Variants in CRYBG1 observed in about 807,000 individuals in gnomAD.
CRYBG1 encodes crystallin beta-gamma domain containing 1, also known as beta/gamma crystallin domain-containing protein 1.
Under a neutral mutation model 189.2 loss-of-function variants are expected in CRYBG1, and 139 were observed. The ratio of observed to expected loss-of-function variants is 0.73; its 90% CI spans 0.64 to 0.85. The LOEUF is 0.85. CRYBG1 is among the 40% of genes least tolerant of loss of function. CRYBG1 has a pLI of 0.00. For synonymous variants in CRYBG1, 1,023 were observed against 1,017.1 expected (o/e 1.01, Z -0.11); for missense variants, 2,611 against 2,675.8 (o/e 0.98, Z 0.53).
At chr6:106,391,095 T>G (rs1770491197) in intron 1 of CRYBG1, among the ~76,000 whole-genome samples, 1 of 152,028 alleles carries the variant, frequency 6.6e-6, no homozygotes, top group Non-Finnish European at 1.5e-5. Context: ...TGAGATGGAG[T>G]CTCGCTCAGT....
At chr6:106,417,869 G>T (rs1179217241) in intron 1 of CRYBG1, among the ~76,000 whole-genome samples, 1 of 152,258 alleles carries the variant, frequency 6.6e-6, no homozygotes, top group Non-Finnish European at 1.5e-5. Context: ...GCCCCAGAAG[G>T]GATGTTAGTG....
intron 9 of CRYBG1, 147 bp from the exon 10 acceptor site, chr6:106,541,439 T>C: frequency 1.3e-6 from 1 of 783,928 alleles, no homozygotes; most frequent in South Asian, 1.5e-5. Context: ...GTATTGTTGG[T>C]AATTTTAGAA....
chr6:106,527,206 C>CTA (rs35141677), intron 6 of CRYBG1, 99 bp from the exon 7 acceptor site: 15,298 of 900,684 alleles, frequency 0.017, 122 homozygotes, highest in Non-Finnish European at 0.019. Context: ...TGCTAATATT[C>CTA]TATATATATA....
At chr6:106,470,841 G>C (rs1398680307) in intron 2 of CRYBG1, among the ~76,000 whole-genome samples, 1 of 152,136 alleles carries the variant, frequency 6.6e-6, no homozygotes, top group Non-Finnish European at 1.5e-5. Context: ...CCTGAGTTAG[G>C]TATCATTATC....
At chr6:106,404,432 G>T (rs1338587654) in intron 1 of CRYBG1, among the ~76,000 whole-genome samples, 1 of 152,116 alleles carries the variant, frequency 6.6e-6, no homozygotes, top group African/African-American at 2.4e-5. Context: ...TAAAATTGAG[G>T]TGTATGAATT....
At chr6:106,532,826 G>A (rs1311638843) in intron 8 of CRYBG1, among the ~76,000 whole-genome samples, 3 of 152,144 alleles carry the variant, frequency 2.0e-5, no homozygotes, top group Admixed American at 6.5e-5. Flanking sequence ...ATTAGGAAAG[G>A]CTTTTATTTC....
intron 2 of CRYBG1, among the ~76,000 whole-genome samples, chr6:106,480,181 A>T (rs954077555): frequency 6.6e-6 from 1 of 152,128 alleles, no homozygotes; most frequent in African/African-American, 2.4e-5. Flanking sequence ...TGCAGAACTG[A>T]TTGTCAAGAC....
chr6:106,362,384 A>G (rs1180313389), intron 1 of CRYBG1, among the ~76,000 whole-genome samples: 2 of 152,220 alleles, frequency 1.3e-5, no homozygotes, highest in Non-Finnish European at 2.9e-5. Context: ...AGAGACAGGA[A>G]TAATTGTGTC....
chr6:106,457,461 G>A (rs1464547554), intron 2 of CRYBG1, among the ~76,000 whole-genome samples: 1 of 152,046 alleles, frequency 6.6e-6, no homozygotes, highest in Non-Finnish European at 1.5e-5. Context: ...TTGCCACACT[G>A]GGGTTTAAAT....
Position 106,413,371 on chromosome 6 carries a change from G to A in CRYBG1, c.174-38323G>A, listed in dbSNP as rs191547117. ...AGAAAAGTGGATGAAATGAAATTCT[G>A]GGACAACAAAAGTGACAGATGTTGG... On this transcript the variant is annotated intron_variant, in intron 1 of 21. Transcript: ENST00000633556. Among the ~76,000 whole-genome samples, 510 of 152,170 alleles carry A rather than the reference G, an allele frequency of 3.4e-3. 7 individuals are homozygous for A. Among genetic ancestry groups the A allele is most frequent in the South Asian group, 0.016 (79 of 4,816 alleles).
intron 2 of CRYBG1, among the ~76,000 whole-genome samples, chr6:106,472,823 G>C (rs1332507568): frequency 6.6e-6 from 1 of 151,244 alleles, no homozygotes. Flanking sequence ...AGAATCACTT[G>C]AGCCTGGGAG....
chr6:106,389,734 G>A (rs1027468318), intron 1 of CRYBG1, among the ~76,000 whole-genome samples: 2 of 151,774 alleles, frequency 1.3e-5, no homozygotes, highest in African/African-American at 2.4e-5. Flanking sequence ...AGTCTTTTTC[G>A]GTAGTTGCTT....
intron 1 of CRYBG1, among the ~76,000 whole-genome samples, chr6:106,420,526 C>T (rs1032636968): frequency 6.6e-6 from 1 of 152,180 alleles, no homozygotes; most frequent in Non-Finnish European, 1.5e-5. Context: ...GGAACAAAAA[C>T]AAAGCACATT....
Position 106,571,470 on chromosome 6 carries a change from T to C in CRYBG1, c.*2904T>C, listed in dbSNP as rs1274380089. The C allele has an allele frequency of 6.5e-6, 1 of 153,584 alleles. No individual in the cohort carries two copies. The highest frequency in any genetic ancestry group is 1.4e-5 in the Non-Finnish European group (1 of 69,146). 9.5% of individuals were successfully genotyped at this position (153,584 alleles called of 1,614,324 possible). A position where few individuals can be genotyped will look rare whatever the true frequency, so the allele number is the denominator to read the frequency against. On this transcript the variant is annotated 3_prime_UTR_variant, in exon 22 of 22. Transcript: ENST00000633556. ...ATCCCAGAACTTTGGGAGACTGACA[T>C]GGTGGATCACTTAAGCCCAGGAGTT...
At chr6:106,564,366 C>T (rs187574861) in intron 21 of CRYBG1, among the ~76,000 whole-genome samples, 1 of 152,350 alleles carries the variant, frequency 6.6e-6, no homozygotes, top group East Asian at 1.9e-4. Context: ...GTTGATGATT[C>T]TCATGTATAC....
At chr6:106,386,194 C>T (rs914599101) in intron 1 of CRYBG1, among the ~76,000 whole-genome samples, 14 of 152,156 alleles carry the variant, frequency 9.2e-5, no homozygotes, top group Non-Finnish European at 1.6e-4. Flanking sequence ...CTTTTAAATG[C>T]AGCTTTCTTT....
At chr6:106,548,802 T>C (rs1270036788) in intron 13 of CRYBG1, among the ~76,000 whole-genome samples, 1 of 152,008 alleles carries the variant, frequency 6.6e-6, no homozygotes, top group South Asian at 2.1e-4. Flanking sequence ...TGCAGGTTAG[T>C]TACATATGTA....
At chr6:106,416,342 C>G (rs370789023) in intron 1 of CRYBG1, among the ~76,000 whole-genome samples, 1 of 152,216 alleles carries the variant, frequency 6.6e-6, no homozygotes, top group African/African-American at 2.4e-5. Context: ...TGGGGCTTCC[C>G]TCACTTGGTT....
intron 2 of CRYBG1, among the ~76,000 whole-genome samples, chr6:106,455,905 C>T (rs912122759): frequency 1.3e-5 from 2 of 152,054 alleles, no homozygotes; most frequent in African/African-American, 4.8e-5. Context: ...TAAGCCTCTC[C>T]TTCCCCCTCA....
Sources: gnomAD v4.1 joint callset for allele counts (sites outside exome capture counted in the v4.1 genomes callset) on GRCh38, gnomAD v4.1.1 for gene constraint, MANE v1.5 for transcripts, NCBI Gene and HGNC (gene_info 2026-07-23, HGNC 2026-07-21) for gene names.